The following WDFY2 variants were observed in gnomAD, a reference collection of about 807,000 sequenced individuals.
WDFY2 encodes WD repeat and FYVE domain containing 2.
WDFY2 carries 36 observed loss-of-function variants against 56.4 expected under a neutral mutation model. The observed-to-expected ratio is 0.64, with a 90% CI of 0.49 to 0.84. The LOEUF (loss-of-function observed/expected upper bound fraction) is 0.84, where lower values mean the gene tolerates loss of function less well. Ranked by LOEUF, WDFY2 falls within the 40% of genes least tolerant of loss-of-function variation. The probability of loss-of-function intolerance (pLI) is 0.00; values close to 1 mark genes in which losing one functional copy is unlikely to be tolerated. For synonymous variants in WDFY2, 176 were observed against 183.7 expected (o/e 0.96, Z 0.34); for missense variants, 444 against 512.2 (o/e 0.87, Z 1.29).
At chr13:51,653,057 T>G (rs1225289980) in intron 1 of WDFY2, among the ~76,000 whole-genome samples, 2 of 152,208 alleles carry the variant, frequency 1.3e-5, no homozygotes, top group Non-Finnish European at 2.9e-5. Flanking sequence ...AGACGTAGAT[T>G]TGGTCTTTTC....
intron 6 of WDFY2, among the ~76,000 whole-genome samples, chr13:51,730,856 A>C (rs1401566673): frequency 6.6e-6 from 1 of 152,182 alleles, no homozygotes; most frequent in East Asian, 1.9e-4. Flanking sequence ...TGGCAGGAAC[A>C]CTGGGTATGA....
chr13:51,702,049 C>T (rs534861907), intron 3 of WDFY2, among the ~76,000 whole-genome samples: 8 of 152,232 alleles, frequency 5.3e-5, no homozygotes, highest in African/African-American at 1.4e-4. Flanking sequence ...CGGTGGTGCA[C>T]ACCTGTAATC....
At chr13:51,633,383 T>C (rs905565203) in intron 1 of WDFY2, among the ~76,000 whole-genome samples, 4 of 152,230 alleles carry the variant, frequency 2.6e-5, no homozygotes, top group Non-Finnish European at 4.4e-5. Context: ...CTGTATAACA[T>C]TGGTCATCTT....
intron 6 of WDFY2, among the ~76,000 whole-genome samples, chr13:51,728,843 C>G (rs928599965): frequency 1.3e-5 from 2 of 152,214 alleles, no homozygotes; most frequent in Non-Finnish European, 2.9e-5. Flanking sequence ...CTCACCTACA[C>G]TTTGGCCAAG....
chr13:51,685,033 C>T (rs1372479969), intron 3 of WDFY2, among the ~76,000 whole-genome samples: 3 of 152,168 alleles, frequency 2.0e-5, no homozygotes, highest in Admixed American at 6.5e-5. Context: ...CACCAAACTT[C>T]AAACTTTTTG....
At chr13:51,707,925 T>G (rs1180230528) in intron 4 of WDFY2, among the ~76,000 whole-genome samples, 1 of 141,872 alleles carries the variant, frequency 7.0e-6, no homozygotes, top group Non-Finnish European at 1.5e-5. Context: ...TATATACTAT[T>G]AACCCTAAAA....
chr13:51,636,908 G>C (rs545599633), intron 1 of WDFY2, among the ~76,000 whole-genome samples: 1 of 152,296 alleles, frequency 6.6e-6, no homozygotes, highest in South Asian at 2.1e-4. Flanking sequence ...AATGATCTTC[G>C]ATCCATACCT....
chr13:51,610,787 A>T (rs1432049418), intron 1 of WDFY2, among the ~76,000 whole-genome samples: 1 of 152,164 alleles, frequency 6.6e-6, no homozygotes, highest in East Asian at 1.9e-4. Flanking sequence ...TATACTATAG[A>T]TATTGCCGCT....
intron 7 of WDFY2, among the ~76,000 whole-genome samples, chr13:51,743,141 TTAGGA>T (rs1449441018): frequency 6.6e-6 from 1 of 152,144 alleles, no homozygotes; most frequent in African/African-American, 2.4e-5. Context: ...TAGGGAACTG[TTAGGA>T]TAGAGGGGAC....
rs1000359274 is a variant in WDFY2, at chr13:51,747,679, GT to G, written c.726-3630del. Among the ~76,000 whole-genome samples, 33 of 152,138 alleles carry G rather than the reference GT, an allele frequency of 2.2e-4. 1 individual carries two copies. Among genetic ancestry groups the G allele is most frequent in the Non-Finnish European group, 1.5e-5 (1 of 68,020 alleles). On this transcript the variant is annotated intron_variant, in intron 7 of 11. Transcript: ENST00000298125. ...CCCTAGTAGCTGGGACTACAGGCATGTACCACCACATCTGACTGAGTTTTTA... is the reference window on the plus strand; with the variant it reads ...CCCTAGTAGCTGGGACTACAGGCATGACCACCACATCTGACTGAGTTTTTA...
At chr13:51,601,797 C>T (rs929229440) in intron 1 of WDFY2, among the ~76,000 whole-genome samples, 5 of 152,192 alleles carry the variant, frequency 3.3e-5, no homozygotes, top group African/African-American at 1.2e-4. Flanking sequence ...CGATACAATG[C>T]CACCTCTCCA....
chr13:51,662,097 A>C (rs1955625724), intron 2 of WDFY2, among the ~76,000 whole-genome samples: 1 of 152,048 alleles, frequency 6.6e-6, no homozygotes, highest in African/African-American at 2.4e-5. Flanking sequence ...CAGCCTCCCG[A>C]GTAGCTGAGA....
intron 7 of WDFY2, among the ~76,000 whole-genome samples, chr13:51,750,534 ATAC>A (rs1441250174): frequency 2.4e-5 from 1 of 41,284 alleles, no homozygotes; most frequent in Non-Finnish European, 5.5e-5. Context: ...ATAGACGAAC[ATAC>A]AAAAAAAAAA....
At chr13:51,642,906 G>C (rs1324865901) in intron 1 of WDFY2, among the ~76,000 whole-genome samples, 1 of 151,916 alleles carries the variant, frequency 6.6e-6, no homozygotes, top group Admixed American at 6.6e-5. Context: ...TCGATCTCTT[G>C]ACCTCGTGAT....
At chr13:51,734,402 G>GA (rs1272719664) in intron 6 of WDFY2, among the ~76,000 whole-genome samples, 1 of 152,086 alleles carries the variant, frequency 6.6e-6, no homozygotes, top group Non-Finnish European at 1.5e-5. Flanking sequence ...TAAAAGTTGA[G>GA]AAAAATCTAA....
intron 5 of WDFY2, among the ~76,000 whole-genome samples, chr13:51,726,104 A>G (rs193022985): frequency 6.6e-6 from 1 of 152,342 alleles, no homozygotes; most frequent in East Asian, 1.9e-4. Context: ...TAATCCCTCT[A>G]GTGCTTCCCT....
intron 2 of WDFY2, 105 bp from the exon 3 acceptor site, chr13:51,675,065 A>C (rs1425368677): frequency 1.1e-6 from 1 of 936,970 alleles, no homozygotes; most frequent in African/African-American, 1.7e-5. Context: ...GTTTTCCAGG[A>C]GATAGTGGGG....
At position 51,659,496 on chromosome 13, in the gene WDFY2, C is replaced by T. The variant is rs116387660; in HGVS notation, c.138-1100C>T. ...GATGTTCACTATTTCCTCTGGTCTCCGGGATAATACCTTTCAACCTCCTAC... is the reference window on the plus strand; with the variant it reads ...GATGTTCACTATTTCCTCTGGTCTCTGGGATAATACCTTTCAACCTCCTAC... On this transcript the variant is annotated intron_variant, in intron 1 of 11. Transcript: ENST00000298125. Among the ~76,000 whole-genome samples the T allele has an allele frequency of 5.4e-3, 826 of 152,256 alleles. 7 individuals carry two copies. The highest frequency in any genetic ancestry group is 0.018 in the African/African-American group (760 of 41,546).
At chr13:51,683,136 T>A (rs1318905991) in intron 3 of WDFY2, among the ~76,000 whole-genome samples, 5 of 152,208 alleles carry the variant, frequency 3.3e-5, no homozygotes, top group Non-Finnish European at 7.3e-5. Flanking sequence ...GGAGAAGATG[T>A]AGCAAATTTG....
Sources: allele counts gnomAD v4.1 joint callset (sites outside exome capture counted in the v4.1 genomes callset), GRCh38; gene constraint gnomAD v4.1.1; transcripts MANE v1.5; gene names NCBI Gene and HGNC (gene_info 2026-07-23, HGNC 2026-07-21).